Variants in ADGRB3 observed in about 807,000 individuals in gnomAD.
ADGRB3 encodes brain-specific angiogenesis inhibitor 3.
ADGRB3 carries 37 observed loss-of-function variants against 193.4 expected under a neutral mutation model. The ratio of observed to expected loss-of-function variants is 0.19; its 90% CI spans 0.15 to 0.25. The LOEUF (loss-of-function observed/expected upper bound fraction) is 0.25, where lower values mean the gene tolerates loss of function less well. ADGRB3 is among the 10% of genes least tolerant of loss of function. The pLI is 1.00. For synonymous variants in ADGRB3, 690 were observed against 644.2 expected (o/e 1.07, Z -1.08); for missense variants, 1,637 against 1,852.9 (o/e 0.88, Z 2.14).
chr6:69,009,868 T>C (rs538469768), intron 11 of ADGRB3, among the ~76,000 whole-genome samples: 1 of 152,200 alleles, frequency 6.6e-6, no homozygotes, highest in African/African-American at 2.4e-5. Flanking sequence ...TACAACTCTA[T>C]TTCCATGGAA....
intron 17 of ADGRB3, among the ~76,000 whole-genome samples, chr6:69,172,438 T>A (rs1471566975): frequency 1.3e-5 from 2 of 151,040 alleles, no homozygotes; most frequent in African/African-American, 4.9e-5. Context: ...GGTCAGGAGA[T>A]CAAGACCATA....
chr6:69,221,074 G>A (rs1765883692), intron 17 of ADGRB3, among the ~76,000 whole-genome samples: 1 of 151,848 alleles, frequency 6.6e-6, no homozygotes, highest in East Asian at 1.9e-4. Flanking sequence ...CCAGTGTGCA[G>A]TACTGTCCAT....
At chr6:69,112,457 T>C (rs1255852660) in intron 17 of ADGRB3, among the ~76,000 whole-genome samples, 3 of 152,192 alleles carry the variant, frequency 2.0e-5, no homozygotes, top group Non-Finnish European at 4.4e-5. Flanking sequence ...TAAAACTCTT[T>C]AGTGGCTTCA....
At chr6:69,079,493 G>T (rs1208201083) in intron 17 of ADGRB3, among the ~76,000 whole-genome samples, 1 of 152,060 alleles carries the variant, frequency 6.6e-6, no homozygotes, top group African/African-American at 2.4e-5. Context: ...AAAGCTAGAA[G>T]CATTCCCTTT....
chr6:69,262,419 A>C (rs953256291), intron 20 of ADGRB3, among the ~76,000 whole-genome samples: 2 of 151,934 alleles, frequency 1.3e-5, no homozygotes, highest in South Asian at 4.1e-4. Context: ...CTTTGCTCTT[A>C]TTAGTAACAA....
chr6:68,945,422 C>T (rs1767748251), intron 6 of ADGRB3, among the ~76,000 whole-genome samples: 1 of 152,042 alleles, frequency 6.6e-6, no homozygotes, highest in South Asian at 2.1e-4. Flanking sequence ...ATTTCTCTCT[C>T]TATAAACACA....
intron 8 of ADGRB3, among the ~76,000 whole-genome samples, chr6:68,965,151 A>G (rs1409487021): frequency 1.3e-5 from 2 of 152,218 alleles, no homozygotes; most frequent in Non-Finnish European, 2.9e-5. Context: ...TATTGCTGAT[A>G]TAATTGTATG....
intron 4 of ADGRB3, among the ~76,000 whole-genome samples, chr6:68,935,095 C>T (rs547264561): frequency 3.9e-5 from 6 of 152,194 alleles, no homozygotes; most frequent in South Asian, 4.1e-4. Flanking sequence ...AGAGCAAATG[C>T]GTCATAATGG....
At chr6:68,672,423 CTGCTTT>C (rs776426723) in intron 3 of ADGRB3, among the ~76,000 whole-genome samples, 1 of 151,842 alleles carries the variant, frequency 6.6e-6, no homozygotes, top group African/African-American at 2.4e-5. Flanking sequence ...CCTCTGAGTA[CTGCTTT>C]TGCTGTATCT....
At chr6:69,298,174 G>A (rs1276142126) in intron 20 of ADGRB3, among the ~76,000 whole-genome samples, 2 of 151,834 alleles carry the variant, frequency 1.3e-5, no homozygotes, top group African/African-American at 4.8e-5. Context: ...GAGATTGAAC[G>A]CAACTCTGCA....
At chr6:69,170,965 C>T (rs1775256304) in intron 17 of ADGRB3, among the ~76,000 whole-genome samples, 1 of 152,116 alleles carries the variant, frequency 6.6e-6, no homozygotes, top group East Asian at 1.9e-4. Flanking sequence ...AATTTGCAAT[C>T]TTCTAGTAGC....
chr6:69,132,616 G>A (rs1426679576), intron 17 of ADGRB3, among the ~76,000 whole-genome samples: 1 of 152,106 alleles, frequency 6.6e-6, no homozygotes, highest in Admixed American at 6.5e-5. Context: ...CTGTGCAGAA[G>A]CTCTTTAGTT....
intron 17 of ADGRB3, among the ~76,000 whole-genome samples, chr6:69,175,339 T>A (rs981785832): frequency 1.3e-5 from 2 of 152,224 alleles, no homozygotes; most frequent in African/African-American, 2.4e-5. Context: ...AGTGGTCCAG[T>A]TTCATTCTTC....
intron 3 of ADGRB3, among the ~76,000 whole-genome samples, chr6:68,788,734 G>A (rs1767030583): frequency 6.6e-6 from 1 of 152,076 alleles, no homozygotes. Context: ...TCTTTGATCT[G>A]TCTAACGTTG....
chr6:68,647,470 A>G (rs534404355), intron 3 of ADGRB3, among the ~76,000 whole-genome samples: 2 of 152,272 alleles, frequency 1.3e-5, no homozygotes, highest in Admixed American at 6.5e-5. Context: ...ATTGATAATC[A>G]ATAATGATTT....
intron 29 of ADGRB3, among the ~76,000 whole-genome samples, chr6:69,369,002 T>C (rs1484324653): frequency 1.3e-5 from 2 of 152,154 alleles, no homozygotes; most frequent in Non-Finnish European, 2.9e-5. Context: ...TTAGGTTATT[T>C]GCAAAATTGG....
intron 17 of ADGRB3, among the ~76,000 whole-genome samples, chr6:69,162,577 TTCTC>T (rs1775027092): frequency 6.6e-6 from 1 of 152,104 alleles, no homozygotes; most frequent in South Asian, 2.1e-4. Flanking sequence ...CTCTCTCTCT[TTCTC>T]TCTGTCTAAA....
In ADGRB3 at chr6:69,113,617, A is replaced by G. The variant is rs191053144; in HGVS notation, c.2480+37579A>G. Among the ~76,000 whole-genome samples, 18 of 152,278 alleles carry G rather than the reference A, an allele frequency of 1.2e-4. No individual in the cohort carries two copies. In the East Asian group the frequency reaches 3.5e-3, roughly 29 times the overall value. On this transcript the variant is annotated intron_variant, in intron 17 of 31. Transcript: ENST00000370598. ...AGAAAATGACTAAATATATTAACAT[A>G]TTACCTAAGTTCAGAAATTTATATC...
intron 3 of ADGRB3, among the ~76,000 whole-genome samples, chr6:68,799,864 C>A (rs1203952156): frequency 6.6e-6 from 1 of 151,946 alleles, no homozygotes; most frequent in Non-Finnish European, 1.5e-5. Flanking sequence ...GTAGAAAGGG[C>A]CAAAGTGTGA....
Sources: gnomAD v4.1 joint callset for allele counts (sites outside exome capture counted in the v4.1 genomes callset) on GRCh38, gnomAD v4.1.1 for gene constraint, MANE v1.5 for transcripts, NCBI Gene and HGNC (gene_info 2026-07-23, HGNC 2026-07-21) for gene names.